The following PTPRN variants were observed in gnomAD, a reference collection of about 807,000 sequenced individuals.
PTPRN encodes the protein receptor-type tyrosine-protein phosphatase-like N.
PTPRN carries 70 observed loss-of-function variants against 108.5 expected under a neutral mutation model. The observed-to-expected ratio is 0.65, with a 90% CI of 0.53 to 0.79. The LOEUF is 0.79. Among genes scored for constraint, PTPRN ranks in the 30% least tolerant of loss-of-function variants. PTPRN has a pLI of 0.00. For synonymous variants in PTPRN, 496 were observed against 524.6 expected (o/e 0.95, Z 0.75); for missense variants, 1,136 against 1,295.5 (o/e 0.88, Z 1.89).
chr2:219,308,573 T>G (rs1356502196), intron 1 of PTPRN, among the ~76,000 whole-genome samples: 2 of 28,960 alleles, frequency 6.9e-5, no homozygotes, highest in African/African-American at 1.4e-4. Context: ...CCCCACCCCC[T>G]GTCCGTGAGT....
chr2:219,297,195 A>C lies in PTPRN; in HGVS notation c.2088+38T>G. The C allele has an allele frequency of 6.2e-7, 1 of 1,610,916 alleles. No homozygotes were observed. The highest frequency in any genetic ancestry group is 2.2e-5 in the East Asian group (1 of 44,802). ...CCAGCCTGGCCTCTCTCACCATCCC[A>C]TTCCTTCACCCACTCTGGGCCCAGG... On this transcript the variant is annotated intron_variant, in intron 14 of 22. Coordinates refer to ENST00000295718, the MANE Select transcript of PTPRN (RefSeq NM_002846.4). This position sits in a 1 kb window ranked among gnomAD's most constrained non-coding sequence, Gnocchi z 6.0.
At chr2:219,309,181 G>GC in intron 1 of PTPRN, 37 bp downstream of exon 1, 2 of 628,492 alleles carry the variant, frequency 3.2e-6, no homozygotes, top group Non-Finnish European at 2.4e-6. Flanking sequence ...GCTGCTCCCC[G>GC]CCCCCCACCA....
rs1217485201 is a variant in PTPRN, at chr2:219,294,987, A to G, written c.2663T>C (p.Leu888Pro). The change falls in exon 19 of 23, where the codon CTG becomes CCG. Residue 888 changes from leucine to proline, a missense_variant. Physicochemically the swap from Leu to Pro is moderately conservative, Grantham distance 98. Coordinates refer to ENST00000295718, the MANE Select transcript of PTPRN (RefSeq NM_002846.4). The stretch of plus-strand genomic sequence containing the variant: ...CGCCCGCGCTCACCTGCGGAAGTCC[A>G]GCAGGGGCCGCGTGGAGGCCGGTGT... ...EGTPASTRPLLDFRRKVNKCY... is the reference protein window; with the variant it reads ...EGTPASTRPLPDFRRKVNKCY... 1.1e-5 allele frequency: 17 copies of G among 1,595,138 alleles called. No homozygotes were observed. The highest frequency in any genetic ancestry group is 1.7e-5 in the Admixed American group (1 of 58,016).
Position 219,296,189 on chromosome 2 carries a change from C to T in PTPRN, c.2508+37G>A. ...CGAAAAGGCCATCATCTACTCTTCC[C>T]ACATCCATTGTCCCCTTGCTGTGGG... On this transcript the variant is annotated intron_variant, in intron 18 of 22. Coordinates refer to ENST00000295718, the MANE Select transcript of PTPRN (RefSeq NM_002846.4). This position sits in a 1 kb window ranked among gnomAD's most constrained non-coding sequence, Gnocchi z 6.0. 1 of 1,611,662 alleles carries T rather than the reference C, an allele frequency of 6.2e-7. No individual in the cohort carries two copies. Among genetic ancestry groups the T allele is most frequent in the Non-Finnish European group, 8.5e-7 (1 of 1,177,900 alleles).
chr2:219,296,645 A>G lies in PTPRN; in HGVS notation c.2310+104T>C, dbSNP rs970995822. The G allele has an allele frequency of 5.8e-6, 9 of 1,558,740 alleles. No homozygotes were observed. In the Admixed American group the frequency reaches 1.2e-4, roughly 21 times the overall value. The stretch of plus-strand genomic sequence containing the variant: ...CCTTGCTAGGATATCAGGCCCCACC[A>G]CTCCAGGGGGTTGGTGGGGTGGCAG... On this transcript the variant is annotated intron_variant, in intron 16 of 22. Transcript: ENST00000295718. This position sits in a 1 kb window ranked among gnomAD's most constrained non-coding sequence, Gnocchi z 6.0.
At position 219,295,157 on chromosome 2, in the gene PTPRN, C is replaced by A. The variant is rs1164206744; in HGVS notation, c.2509-16G>T. Reference sequence around the variant, plus strand: ...CCAGGTTCACCTGCCCGGCAGGGGCCCAGGCCTGAGCGCCGCGGGCTGCCC... The same window carrying A: ...CCAGGTTCACCTGCCCGGCAGGGGCACAGGCCTGAGCGCCGCGGGCTGCCC... On this transcript the variant is annotated splice_polypyrimidine_tract_variant and intron_variant, in intron 18 of 22. Transcript: ENST00000295718. 1.2e-6 allele frequency: 2 copies of A among 1,602,570 alleles called. No individual in the cohort carries two copies. The highest frequency in any genetic ancestry group is 8.5e-7 in the Non-Finnish European group (1 of 1,175,038).
chr2:219,305,139 G>T (rs1952450292), intron 3 of PTPRN, among the ~76,000 whole-genome samples: 1 of 151,878 alleles, frequency 6.6e-6, no homozygotes, highest in Non-Finnish European at 1.5e-5. Context: ...CTTTCTCCTG[G>T]CTTCTGGGAC....
intron 8 of PTPRN, 44 bp downstream of exon 8, chr2:219,300,899 C>T (rs1952329206): frequency 1.2e-6 from 2 of 1,602,638 alleles, no homozygotes; most frequent in East Asian, 4.5e-5. Flanking sequence ...AGGGGGCGTG[C>T]TGCCATGGGG....
Position 219,297,931 on chromosome 2 carries a change from GC to G in PTPRN, c.1840del (p.Ala614ProfsTer41), listed in dbSNP as rs780489348. ...ACCATGGGCCCCCTCAGGCCCCAGG[GC>G]TGCCAGGCGCTCCTTGTCTTGCTGC... ...ARQQDKERLA[A>X]LGPEGAHGDT... On this transcript the variant is annotated frameshift_variant, in exon 13 of 23. Transcript: ENST00000295718. LOFTEE classifies it high-confidence loss of function. The surrounding 1 kb of genome is among the most constrained non-coding windows in gnomAD (Gnocchi z 6.0). The G allele has an allele frequency of 1.2e-6, 2 of 1,612,892 alleles. No homozygotes were observed. The highest frequency in any genetic ancestry group is 1.7e-5 in the Admixed American group (1 of 59,950).
At position 219,295,094 on chromosome 2, in the gene PTPRN, C is replaced by CCGCACCAGAAAGTCCT. The variant is rs1168179667; in HGVS notation, c.2540_2555dup (p.Ser853GlyfsTer64). On this transcript the variant is annotated frameshift_variant, in exon 19 of 23. Coordinates refer to ENST00000295718, the MANE Select transcript of PTPRN (RefSeq NM_002846.4). LOFTEE classifies it high-confidence loss of function. ...TCTGCACGTTCTTCAGGTAGAAGCTCCGCACCAGAAAGTCCTCGCACCAGA... is the reference window on the plus strand; with the variant it reads ...TCTGCACGTTCTTCAGGTAGAAGCTCCGCACCAGAAAGTCCTCGCACCAGAAAGTCCTCGCACCAGA... 22 of 1,613,168 alleles carry CCGCACCAGAAAGTCCT rather than the reference C, an allele frequency of 1.4e-5. No homozygotes were observed. The highest frequency in any genetic ancestry group is 1.9e-5 in the Non-Finnish European group (22 of 1,179,544).
chr2:219,305,591 A>G (rs1952462670), intron 3 of PTPRN, among the ~76,000 whole-genome samples: 2 of 152,152 alleles, frequency 1.3e-5, no homozygotes, highest in South Asian at 2.1e-4. Flanking sequence ...GGTCTTCTTA[A>G]TAGACACTCA....
At position 219,297,940 on chromosome 2, in the gene PTPRN, C is replaced by T. The variant is rs200113853; in HGVS notation, c.1832G>A (p.Arg611His). 2.6e-4 allele frequency: 412 copies of T among 1,613,236 alleles called. 4 individuals carry two copies. In the East Asian group the frequency reaches 5.1e-3, roughly 20 times the overall value. Reference sequence around the variant, plus strand: ...CCCCTCAGGCCCCAGGGCTGCCAGGCGCTCCTTGTCTTGCTGCCGCGCATG... The same window carrying T: ...CCCCTCAGGCCCCAGGGCTGCCAGGTGCTCCTTGTCTTGCTGCCGCGCATG... ...RQHARQQDKE[R>H]LAALGPEGAH... is the part of the protein sequence containing the mutation. Residue 611 changes from arginine (R) to histidine (H), a missense_variant, in exon 13 of 23, where the codon CGC becomes CAC. Coordinates refer to ENST00000295718, the MANE Select transcript of PTPRN (RefSeq NM_002846.4). This position sits in a 1 kb window ranked among gnomAD's most constrained non-coding sequence, Gnocchi z 6.0.
At chr2:219,301,126 C>T (rs1952334247) in intron 7 of PTPRN, 149 bp from the exon 8 acceptor site, 1 of 755,568 alleles carries the variant, frequency 1.3e-6, no homozygotes, top group African/African-American at 1.8e-5. Context: ...TTACTGGTCT[C>T]ATCCTAAGCC....
chr2:219,297,680 C>T lies in PTPRN; in HGVS notation c.1887+205G>A, dbSNP rs114595220. Among the ~76,000 whole-genome samples the T allele has an allele frequency of 1.3e-3, 197 of 152,202 alleles. No homozygotes were observed. The highest frequency in any genetic ancestry group is 4.6e-3 in the African/African-American group (192 of 41,520). On this transcript the variant is annotated intron_variant, in intron 13 of 22. Coordinates refer to ENST00000295718, the MANE Select transcript of PTPRN (RefSeq NM_002846.4). This position sits in a 1 kb window ranked among gnomAD's most constrained non-coding sequence, Gnocchi z 6.0. ...CCAGAAGCACAGCACCAAGAAGAAC[C>T]TTAGGCACTGTATGCTCCCAATTCC...
intron 19 of PTPRN, 72 bp downstream of exon 19, chr2:219,294,901 AGG>A: frequency 1.5e-6 from 2 of 1,354,924 alleles, no homozygotes; most frequent in Non-Finnish European, 1.9e-6. Context: ...CCGGGGCTCC[AGG>A]CCGAGCGGCG....
At chr2:219,292,734 G>A (rs967593814) in intron 19 of PTPRN, 1 of 152,172 alleles carries the variant, frequency 6.6e-6, no homozygotes, top group Non-Finnish European at 1.5e-5. Context: ...CTGGGCCATG[G>A]ACCAGTGTCA....
intron 4 of PTPRN, 40 bp from the exon 5 acceptor site, chr2:219,302,877 A>G: frequency 6.3e-7 from 1 of 1,596,290 alleles, no homozygotes; most frequent in Non-Finnish European, 8.5e-7. Flanking sequence ...GAGCGGGGGA[A>G]AGGGCATAGA....
chr2:219,300,896 G>T (rs199879874), intron 8 of PTPRN, 47 bp downstream of exon 8: 16 of 1,598,156 alleles, frequency 1.0e-5, no homozygotes, highest in Admixed American at 1.7e-5. Flanking sequence ...GCAAGGGGGC[G>T]TGCTGCCATG....
intron 19 of PTPRN, 23 bp downstream of exon 19, chr2:219,294,952 C>T: frequency 1.3e-6 from 2 of 1,530,266 alleles, no homozygotes. Context: ...GCGGTCCCTC[C>T]AGGCGGGGGC....
Sources: allele counts gnomAD v4.1 joint callset (sites outside exome capture counted in the v4.1 genomes callset), GRCh38; gene constraint gnomAD v4.1.1; non-coding constraint Gnocchi (gnomAD v3.1); transcripts MANE v1.5; gene names NCBI Gene and HGNC (gene_info 2026-07-23, HGNC 2026-07-21).